The following ATF7IP variants were observed in gnomAD, a reference collection of about 807,000 sequenced individuals.
ATF7IP encodes activating transcription factor 7-interacting protein 1.
ATF7IP carries 23 observed loss-of-function variants against 106.4 expected under a neutral mutation model. The ratio of observed to expected loss-of-function variants is 0.22; its 90% CI spans 0.16 to 0.31. ATF7IP has a LOEUF of 0.31. ATF7IP is among the 10% of genes least tolerant of loss of function. ATF7IP has a pLI of 1.00. For missense variants in ATF7IP, 1,334 were observed against 1,524.3 expected, an observed-to-expected ratio of 0.88 and a Z score of 2.08; for synonymous variants, 542 against 539.0, an observed-to-expected ratio of 1.01 and a Z score of -0.08.
chr12:14,457,561 A>G (rs1943476305), intron 8 of ATF7IP, among the ~76,000 whole-genome samples: 1 of 152,230 alleles, frequency 6.6e-6, no homozygotes, highest in East Asian at 1.9e-4. Flanking sequence ...TGGTCTCTTA[A>G]AACAAAAAAA....
At chr12:14,409,177 A>G (rs1319734884) in intron 1 of ATF7IP, among the ~76,000 whole-genome samples, 5 of 152,202 alleles carry the variant, frequency 3.3e-5, no homozygotes, top group East Asian at 1.9e-4. Context: ...TAAACAATAC[A>G]TAAATGTAGT....
At chr12:14,375,941 C>G (rs1296434555) in intron 1 of ATF7IP, among the ~76,000 whole-genome samples, 1 of 152,014 alleles carries the variant, frequency 6.6e-6, no homozygotes, top group Non-Finnish European at 1.5e-5. Context: ...TTGGAAAGGT[C>G]GGTTTCATAT....
intron 13 of ATF7IP, among the ~76,000 whole-genome samples, chr12:14,483,566 G>A (rs1944495325): frequency 6.6e-6 from 1 of 152,128 alleles, no homozygotes; most frequent in Non-Finnish European, 1.5e-5. Flanking sequence ...TAATGTCGCA[G>A]GAACAGGAAG....
At chr12:14,377,341 A>G (rs1315527744) in intron 1 of ATF7IP, among the ~76,000 whole-genome samples, 4 of 149,826 alleles carry the variant, frequency 2.7e-5, no homozygotes, top group Non-Finnish European at 5.9e-5. Flanking sequence ...TTACGGTTAC[A>G]AATTTGATTT....
At chr12:14,474,786 T>C (rs1944198739) in intron 10 of ATF7IP, among the ~76,000 whole-genome samples, 1 of 152,218 alleles carries the variant, frequency 6.6e-6, no homozygotes, top group African/African-American at 2.4e-5. Flanking sequence ...TATTGACTTA[T>C]TTTTTCGTCC....
At chr12:14,367,649 G>A (rs1938363081) in intron 1 of ATF7IP, among the ~76,000 whole-genome samples, 1 of 152,046 alleles carries the variant, frequency 6.6e-6, no homozygotes, top group African/African-American at 2.4e-5. Context: ...ATAAGCGTAT[G>A]TTTTCATTTG....
chr12:14,448,924 T>C (rs1031472790), intron 6 of ATF7IP, among the ~76,000 whole-genome samples: 4 of 152,212 alleles, frequency 2.6e-5, no homozygotes, highest in Admixed American at 6.5e-5. Context: ...TCTTTTCATA[T>C]GCTTGTTGGC....
At chr12:14,451,129 G>A (rs1943186130) in intron 6 of ATF7IP, among the ~76,000 whole-genome samples, 1 of 151,706 alleles carries the variant, frequency 6.6e-6, no homozygotes, top group Non-Finnish European at 1.5e-5. Flanking sequence ...AGTCTTGGTG[G>A]GTTGTGTGTT....
chr12:14,383,729 A>T (rs1023808364), intron 1 of ATF7IP, among the ~76,000 whole-genome samples: 5 of 151,856 alleles, frequency 3.3e-5, no homozygotes, highest in South Asian at 2.1e-4. Context: ...TGTTTTAAAA[A>T]TTTTTTTTGT....
At chr12:14,426,272 A>G (rs572787646) in intron 2 of ATF7IP, among the ~76,000 whole-genome samples, 1 of 152,312 alleles carries the variant, frequency 6.6e-6, no homozygotes, top group East Asian at 1.9e-4. Flanking sequence ...GGTCAAACTG[A>G]AAAACATTAT....
chr12:14,404,560 G>A (rs762480427), intron 1 of ATF7IP, among the ~76,000 whole-genome samples: 14 of 152,048 alleles, frequency 9.2e-5, no homozygotes, highest in Non-Finnish European at 1.5e-4. Flanking sequence ...TAGACCTAAC[G>A]ATGTTAAATG....
At chr12:14,456,453 G>C in intron 6 of ATF7IP, 108 bp from the exon 7 acceptor site, 2 of 697,870 alleles carry the variant, frequency 2.9e-6, no homozygotes, top group Non-Finnish European at 5.0e-6. Context: ...CATTATATTA[G>C]AACAGTGACA....
rs1945084652 is a variant in ATF7IP, at chr12:14,498,770, T to C, written c.*697T>C. 6.6e-6 allele frequency: 1 copy of C among 152,638 alleles called. No homozygotes were observed. The highest frequency in any genetic ancestry group is 1.5e-5 in the Non-Finnish European group (1 of 68,044). The allele number at this position is 152,638 out of a possible 1,614,324, so 9.5% of individuals were successfully genotyped here. A position where few individuals can be genotyped will look rare whatever the true frequency, so the allele number is the denominator to read the frequency against. On this transcript the variant is annotated 3_prime_UTR_variant, in exon 15 of 15. Transcript: ENST00000261168. ...ATAAATAAATATGGCCATATGTCCG[T>C]TGTTGCTTAGTCTTCCCTTGCAGCC...
At chr12:14,422,688 A>G (rs1416192019) in intron 1 of ATF7IP, among the ~76,000 whole-genome samples, 4 of 152,142 alleles carry the variant, frequency 2.6e-5, no homozygotes, top group Non-Finnish European at 5.9e-5. Flanking sequence ...CTCACTCAGC[A>G]TATTTTTAAG....
At chr12:14,441,130 T>C (rs1942672927) in intron 5 of ATF7IP, among the ~76,000 whole-genome samples, 1 of 152,172 alleles carries the variant, frequency 6.6e-6, no homozygotes, top group Admixed American at 6.5e-5. Flanking sequence ...TAATTCTTTG[T>C]TTAACTTACT....
intron 1 of ATF7IP, among the ~76,000 whole-genome samples, chr12:14,382,658 T>A (rs569731317): frequency 6.6e-6 from 1 of 152,354 alleles, no homozygotes; most frequent in African/African-American, 2.4e-5. Context: ...CTTTTGAGAT[T>A]TTTGTGGTAG....
chr12:14,425,733 A>C (rs566939175), intron 2 of ATF7IP, among the ~76,000 whole-genome samples: 1 of 152,218 alleles, frequency 6.6e-6, no homozygotes, highest in Non-Finnish European at 1.5e-5. Flanking sequence ...GATGAAGTAG[A>C]GCACCATAAC....
chr12:14,411,418 AG>A (rs1284546802), intron 1 of ATF7IP, among the ~76,000 whole-genome samples: 2 of 152,172 alleles, frequency 1.3e-5, no homozygotes, highest in African/African-American at 4.8e-5. Flanking sequence ...CCATAGCATT[AG>A]GAGAAAAACC....
intron 10 of ATF7IP, among the ~76,000 whole-genome samples, chr12:14,470,171 C>T (rs1237526846): frequency 1.3e-5 from 2 of 152,316 alleles, no homozygotes; most frequent in Non-Finnish European, 2.9e-5. Flanking sequence ...AAGGAATGAA[C>T]AACCAGCTCT....
Sources: allele counts gnomAD v4.1 joint callset (sites outside exome capture counted in the v4.1 genomes callset), GRCh38; gene constraint gnomAD v4.1.1; transcripts MANE v1.5; gene names NCBI Gene and HGNC (gene_info 2026-07-23, HGNC 2026-07-21).